Variants in BCAS4 observed in about 807,000 individuals in gnomAD.
The protein encoded by BCAS4 is breast carcinoma amplified sequence 4.
In BCAS4, 9 loss-of-function variants were observed where a neutral mutation model predicts 15.7. That is an observed-to-expected ratio of 0.57 (90% CI 0.34 to 1.00). The LOEUF (loss-of-function observed/expected upper bound fraction) is 1.00. BCAS4 is among the 50% of genes least tolerant of loss of function. BCAS4 has a pLI of 0.02. For missense variants in BCAS4, 225 were observed against 239.1 expected, an observed-to-expected ratio of 0.94 and a Z score of 0.39; for synonymous variants, 101 against 99.5, an observed-to-expected ratio of 1.02 and a Z score of -0.09.
At chr20:50,838,156 T>C (rs2088433060) in intron 3 of BCAS4, among the ~76,000 whole-genome samples, 1 of 152,224 alleles carries the variant, frequency 6.6e-6, no homozygotes, top group East Asian at 1.9e-4. Context: ...CATTCACTCA[T>C]TCATTCATTC....
chr20:50,815,207 C>A (rs566127678), intron 1 of BCAS4, among the ~76,000 whole-genome samples: 1 of 152,250 alleles, frequency 6.6e-6, no homozygotes, highest in East Asian at 1.9e-4. Context: ...GTGACCACGC[C>A]GTGCCCTTCC....
chr20:50,804,047 CT>C (rs1168473601), intron 1 of BCAS4, among the ~76,000 whole-genome samples: 1 of 151,644 alleles, frequency 6.6e-6, no homozygotes, highest in African/African-American at 2.4e-5. Context: ...ATCTGGATTT[CT>C]TTTTTTTGAG....
chr20:50,807,368 C>G (rs959096772), intron 1 of BCAS4, among the ~76,000 whole-genome samples: 1 of 146,110 alleles, frequency 6.8e-6, no homozygotes, highest in Non-Finnish European at 1.5e-5. Flanking sequence ...AATTTTTGTA[C>G]TTTTTTGTAG....
intron 4 of BCAS4, among the ~76,000 whole-genome samples, chr20:50,848,043 A>G (rs529869888): frequency 2.6e-5 from 4 of 152,118 alleles, no homozygotes; most frequent in Non-Finnish European, 5.9e-5. Context: ...TGTCTCAAAC[A>G]ATAGCAACAA....
At chr20:50,878,169 TTC>T (rs753729736), downstream of BCAS4, 1 of 152,216 alleles carries the variant, frequency 6.6e-6, no homozygotes, top group African/African-American at 2.4e-5. Context: ...AGCATTTTTA[TTC>T]TCTTTTCTTT....
intron 4 of BCAS4, among the ~76,000 whole-genome samples, chr20:50,847,173 G>T (rs948066253): frequency 3.3e-5 from 5 of 150,558 alleles, no homozygotes; most frequent in African/African-American, 9.8e-5. Flanking sequence ...TGCAACCTCC[G>T]CTTCCTGGGG....
At chr20:50,845,409 G>C (rs2088531480) in intron 4 of BCAS4, among the ~76,000 whole-genome samples, 1 of 152,116 alleles carries the variant, frequency 6.6e-6, no homozygotes, top group African/African-American at 2.4e-5. Flanking sequence ...TCCTCCCCCA[G>C]GGTGGACACC....
intron 1 of BCAS4, among the ~76,000 whole-genome samples, chr20:50,797,511 G>A (rs190531467): frequency 1.2e-4 from 18 of 152,102 alleles, no homozygotes; most frequent in Admixed American, 9.2e-4. Context: ...TCTGGGCAAC[G>A]CAGGGAAACC....
chr20:50,835,444 C>T (rs969489149), intron 3 of BCAS4, among the ~76,000 whole-genome samples: 1 of 152,052 alleles, frequency 6.6e-6, no homozygotes, highest in Non-Finnish European at 1.5e-5. Context: ...CGGGGTTTCA[C>T]CATGTTGGCC....
chr20:50,861,846 CTTTTTTT>C (rs773052138), intron 4 of BCAS4, among the ~76,000 whole-genome samples: 3 of 109,274 alleles, frequency 2.7e-5, no homozygotes, highest in Admixed American at 1.1e-4. Context: ...TCTTCTTCTC[CTTTTTTT>C]TTTTTTTTTT....
At chr20:50,804,464 C>T (rs1299647380) in intron 1 of BCAS4, among the ~76,000 whole-genome samples, 2 of 152,222 alleles carry the variant, frequency 1.3e-5, no homozygotes, top group Non-Finnish European at 2.9e-5. Flanking sequence ...AACCATTCCT[C>T]TGTTGACAGA....
Position 50,795,114 on chromosome 20 carries a change from C to T in BCAS4, c.31C>T (p.Pro11Ser). 3 of 1,493,204 alleles carry T rather than the reference C, an allele frequency of 2.0e-6. No individual in the cohort carries two copies. Among genetic ancestry groups the T allele is most frequent in the Non-Finnish European group, 2.7e-6 (3 of 1,120,566 alleles). 92.5% of individuals were successfully genotyped at this position (1,493,204 alleles called of 1,614,324 possible). ...GCTCGTGGACGCTGATCAGCCGGAGCCCATGCGCAGCGGGGCGCGCGAGCT... is the reference window on the plus strand; with the variant it reads ...GCTCGTGGACGCTGATCAGCCGGAGTCCATGCGCAGCGGGGCGCGCGAGCT... MLLVDADQPE[P>S]MRSGARELAL... Residue 11 changes from proline (P) to serine (S), a missense_variant, in exon 1 of 5, where the codon CCC (proline) becomes TCC (serine). Physicochemically the swap from Pro to Ser is moderately conservative, Grantham distance 74 (BLOSUM62 -1). Transcript: ENST00000371608.
At chr20:50,807,969 G>A (rs1569018717) in intron 1 of BCAS4, among the ~76,000 whole-genome samples, 1 of 147,824 alleles carries the variant, frequency 6.8e-6, no homozygotes, top group Non-Finnish European at 1.5e-5. Context: ...GTGCAGTGGC[G>A]TGATCTCGGC....
intron 4 of BCAS4, among the ~76,000 whole-genome samples, chr20:50,854,766 C>A (rs1379880256): frequency 6.6e-6 from 1 of 152,216 alleles, no homozygotes; most frequent in African/African-American, 2.4e-5. Flanking sequence ...CAAACCCCCC[C>A]CACCATGCGG....
At chr20:50,805,056 TTG>T (rs141387746) in intron 1 of BCAS4, among the ~76,000 whole-genome samples, 1 of 151,692 alleles carries the variant, frequency 6.6e-6, no homozygotes, top group Admixed American at 6.6e-5. Context: ...TCTTCAGTAT[TTG>T]TGTGTGTGTG....
rs1205600240 is a variant in BCAS4 at position 50,876,792 on chromosome 20, C to T, written c.*184C>T. On this transcript the variant is annotated 3_prime_UTR_variant, in exon 5 of 5. Transcript: ENST00000371608. Reference sequence around the variant, plus strand: ...CTCCTGGGCTCAAGTGATCCACCCACCTTGGCCTTCCAAAGTGGTGGGATT... The same window carrying T: ...CTCCTGGGCTCAAGTGATCCACCCATCTTGGCCTTCCAAAGTGGTGGGATT... 1.4e-6 allele frequency: 1 copy of T among 726,402 alleles called. No homozygotes were observed. The highest frequency in any genetic ancestry group is 1.9e-6 in the Non-Finnish European group (1 of 526,672). The allele number at this position is 726,402 out of a possible 1,614,324, so 45.0% of individuals were successfully genotyped here. A position where few individuals can be genotyped will look rare whatever the true frequency, so the allele number is the denominator to read the frequency against.
chr20:50,866,550 G>A (rs1979368101), intron 4 of BCAS4, among the ~76,000 whole-genome samples: 1 of 152,222 alleles, frequency 6.6e-6, no homozygotes, highest in Non-Finnish European at 1.5e-5. Context: ...TTCACTGTTG[G>A]CAATGAACTC....
At chr20:50,871,412 G>A (rs1459381325) in intron 4 of BCAS4, among the ~76,000 whole-genome samples, 3 of 152,232 alleles carry the variant, frequency 2.0e-5, no homozygotes, top group Non-Finnish European at 2.9e-5. Flanking sequence ...ACAGCCCTGC[G>A]GGCATCTGGT....
At chr20:50,866,235 G>T (rs1979351825) in intron 4 of BCAS4, among the ~76,000 whole-genome samples, 1 of 152,212 alleles carries the variant, frequency 6.6e-6, no homozygotes, top group Admixed American at 6.5e-5. Context: ...CCGTGGTGGG[G>T]GCCCCAGGTC....
Sources: gnomAD v4.1 joint callset for allele counts (sites outside exome capture counted in the v4.1 genomes callset) on GRCh38, gnomAD v4.1.1 for gene constraint, MANE v1.5 for transcripts, NCBI Gene and HGNC (gene_info 2026-07-23, HGNC 2026-07-21) for gene names.